TMEM163: variants seen among roughly 807,000 people sequenced by gnomAD.
The protein encoded by TMEM163 is transmembrane protein 163.
A neutral mutation model predicts 29.3 loss-of-function variants in TMEM163; 17 were observed. That is an observed-to-expected ratio of 0.58 (90% confidence interval 0.40 to 0.87). The LOEUF (loss-of-function observed/expected upper bound fraction) is 0.87, where lower values mean the gene tolerates loss of function less well. TMEM163 is among the 40% of genes least tolerant of loss of function. TMEM163 has a pLI of 0.00. For missense variants in TMEM163, 303 were observed against 381.5 expected, an observed-to-expected ratio of 0.79 and a Z score of 1.71; for synonymous variants, 157 against 160.6, an observed-to-expected ratio of 0.98 and a Z score of 0.17.
chr2:134,505,026 G>A (rs1382042936), intron 4 of TMEM163, among the ~76,000 whole-genome samples: 2 of 152,102 alleles, frequency 1.3e-5, no homozygotes, highest in African/African-American at 4.8e-5. Context: ...CTCCCTATGA[G>A]CACATGTGCA....
chr2:134,648,905 G>A (rs998585923), intron 2 of TMEM163, among the ~76,000 whole-genome samples: 7 of 152,178 alleles, frequency 4.6e-5, no homozygotes, highest in African/African-American at 1.7e-4. Context: ...TATTACCACA[G>A]CTGATGGCTC....
At chr2:134,567,418 G>T (rs575317560) in intron 2 of TMEM163, among the ~76,000 whole-genome samples, 1 of 152,206 alleles carries the variant, frequency 6.6e-6, no homozygotes. Context: ...GGAGCTGGGC[G>T]TGGTGACTCA....
Position 134,716,505 on chromosome 2 carries a change from A to G in TMEM163, c.202+2229T>C, listed in dbSNP as rs185778818. Among the ~76,000 whole-genome samples, 8 of 152,344 alleles carry G rather than the reference A, an allele frequency of 5.3e-5. No individual in the cohort carries two copies. The East Asian group carries it at 1.5e-3, about 29-fold the overall frequency. ...CCAAAGGGAGTTAGGACAAAAGAGAATGCCAAATACAGGTGCAGATCCGAG... is the reference window on the plus strand; with the variant it reads ...CCAAAGGGAGTTAGGACAAAAGAGAGTGCCAAATACAGGTGCAGATCCGAG... On this transcript the variant is annotated intron_variant, in intron 1 of 7. Coordinates refer to ENST00000281924, the MANE Select transcript of TMEM163 (RefSeq NM_030923.5).
At chr2:134,689,823 C>T (rs548218318) in intron 2 of TMEM163, among the ~76,000 whole-genome samples, 52 of 152,290 alleles carry the variant, frequency 3.4e-4, no homozygotes, top group African/African-American at 1.2e-3. Context: ...CAAATAAACA[C>T]CCAAGCAAAT....
intron 5 of TMEM163, among the ~76,000 whole-genome samples, chr2:134,482,219 G>A (rs1679209289): frequency 6.6e-6 from 1 of 152,142 alleles, no homozygotes; most frequent in Non-Finnish European, 1.5e-5. Flanking sequence ...GTTGCTCACA[G>A]AAAAACCTCA....
chr2:134,603,167 T>C (rs1421049446), intron 2 of TMEM163, among the ~76,000 whole-genome samples: 1 of 152,114 alleles, frequency 6.6e-6, no homozygotes, highest in African/African-American at 2.4e-5. Flanking sequence ...CTCAACCTTG[T>C]CTCTTTCTGC....
intron 5 of TMEM163, among the ~76,000 whole-genome samples, chr2:134,481,522 T>G (rs1199116464): frequency 6.6e-6 from 1 of 152,190 alleles, no homozygotes; most frequent in Middle Eastern, 3.2e-3. Flanking sequence ...TCCACCATGA[T>G]TGTGAGGCCT....
chr2:134,541,288 G>A (rs946871029), intron 4 of TMEM163, among the ~76,000 whole-genome samples: 1 of 152,238 alleles, frequency 6.6e-6, no homozygotes, highest in Non-Finnish European at 1.5e-5. Flanking sequence ...CTAAAGAAAT[G>A]CATGTTAACA....
intron 2 of TMEM163, among the ~76,000 whole-genome samples, chr2:134,593,815 T>C (rs946318990): frequency 6.6e-6 from 1 of 151,928 alleles, no homozygotes; most frequent in African/African-American, 2.4e-5. Flanking sequence ...GGGAATTTTT[T>C]TTTTTTTTTT....
chr2:134,711,465 T>C (rs1429632360), intron 2 of TMEM163, among the ~76,000 whole-genome samples: 1 of 152,256 alleles, frequency 6.6e-6, no homozygotes, highest in African/African-American at 2.4e-5. Context: ...CATGATATTA[T>C]ATGCCAATAC....
At chr2:134,530,536 CAA>C (rs1020350326) in intron 4 of TMEM163, among the ~76,000 whole-genome samples, 17 of 152,318 alleles carry the variant, frequency 1.1e-4, no homozygotes, top group African/African-American at 4.1e-4. Context: ...CTTGCCCTCC[CAA>C]AGTGCTTGGG....
rs192949452 is a variant in TMEM163, at chr2:134,661,572, T to C, written c.322+51628A>G. Among the ~76,000 whole-genome samples the C allele has an allele frequency of 1.1e-3, 162 of 152,336 alleles. 1 individual carries two copies. Among genetic ancestry groups the C allele is most frequent in the African/African-American group, 3.8e-3 (157 of 41,580 alleles). ...CCTATTCAAAGGCTTTTAAACGTTATGGTTGCTTAATTTTTCAGGTAGACA... is the reference window on the plus strand; with the variant it reads ...CCTATTCAAAGGCTTTTAAACGTTACGGTTGCTTAATTTTTCAGGTAGACA... On this transcript the variant is annotated intron_variant, in intron 2 of 7. Coordinates refer to ENST00000281924, the MANE Select transcript of TMEM163 (RefSeq NM_030923.5).
intron 2 of TMEM163, among the ~76,000 whole-genome samples, chr2:134,596,897 C>G (rs1394308446): frequency 6.6e-6 from 1 of 152,172 alleles, no homozygotes; most frequent in Non-Finnish European, 1.5e-5. Flanking sequence ...ATTTGTCTCT[C>G]ATGATTTGGC....
chr2:134,535,554 G>C (rs1190513871), intron 4 of TMEM163, among the ~76,000 whole-genome samples: 1 of 152,126 alleles, frequency 6.6e-6, no homozygotes, highest in African/African-American at 2.4e-5. Flanking sequence ...GGGAATTACT[G>C]ATCAAAGGGC....
At chr2:134,475,397 C>T (rs183654458) in intron 5 of TMEM163, among the ~76,000 whole-genome samples, 197 of 152,164 alleles carry the variant, frequency 1.3e-3, no homozygotes, top group African/African-American at 4.3e-3. Flanking sequence ...CAAAGTGAAG[C>T]TAAAACTGTA....
rs1384733626 is a variant in TMEM163 at position 134,516,643 on chromosome 2, TTATATTCATACA to T, written c.459-13658_459-13647del. 6.4e-4 allele frequency among the ~76,000 whole-genome samples: 95 copies of T among 147,586 alleles called. 1 individual carries two copies. Among genetic ancestry groups the T allele is most frequent in the African/African-American group, 1.9e-3 (76 of 40,430 alleles). On this transcript the variant is annotated intron_variant, in intron 4 of 7. Transcript: ENST00000281924. ...CATATATTTTTATATATATTCATACTTATATTCATACATATATTCATACATATAGTCATACAT... is the reference window on the plus strand; with the variant it reads ...CATATATTTTTATATATATTCATACTTATATTCATACATATAGTCATACAT...
intron 5 of TMEM163, among the ~76,000 whole-genome samples, chr2:134,480,578 G>A (rs1049081453): frequency 1.5e-4 from 23 of 152,128 alleles, no homozygotes; most frequent in African/African-American, 5.1e-4. Flanking sequence ...CATGACCACA[G>A]AAAGTTTTAT....
chr2:134,701,778 C>T (rs964335029), intron 2 of TMEM163, among the ~76,000 whole-genome samples: 8 of 151,944 alleles, frequency 5.3e-5, no homozygotes, highest in Non-Finnish European at 1.0e-4. Flanking sequence ...ATTAGCCAAG[C>T]GTGGTGGCAC....
chr2:134,718,742 T>C lies in TMEM163; in HGVS notation c.194A>G (p.Glu65Gly). The change falls in exon 1 of 8, where the codon GAG becomes GGG. Residue 65 changes from glutamate to glycine, a missense_variant. By Grantham distance (98) the Glu-to-Gly change is moderately conservative. Around this residue, in one of 2 missense-constraint regions of TMEM163, gnomAD observed 100 missense variants for 87.2 expected, o/e 1.15. Coordinates refer to ENST00000281924, the MANE Select transcript of TMEM163 (RefSeq NM_030923.5). ...SESGQFSDGL[E>G]DRGLLESSTR... ...GGGCAGCTCGCGCTCACCTCGGTCC[T>C]CCAGCCCGTCGCTGAACTGGCCGCT... 8.7e-7 allele frequency: 1 copy of C among 1,155,030 alleles called. No individual in the cohort carries two copies. Among genetic ancestry groups the C allele is most frequent in the Non-Finnish European group, 1.1e-6 (1 of 939,072 alleles). The allele number at this position is 1,155,030 out of a possible 1,614,324, so 71.5% of individuals were successfully genotyped here.
Sources: allele counts gnomAD v4.1 joint callset (sites outside exome capture counted in the v4.1 genomes callset), GRCh38; gene constraint gnomAD v4.1.1; regional missense constraint gnomAD v4.1.1; transcripts MANE v1.5; gene names NCBI Gene and HGNC (gene_info 2026-07-23, HGNC 2026-07-21).